The following MOB3B variants were observed in gnomAD, a reference collection of about 807,000 sequenced individuals.
MOB3B encodes MOB kinase activator 3B, also known as MOB kinase activator-like 2B.
MOB3B carries 7 observed loss-of-function variants against 18.7 expected under a neutral mutation model. That is an observed-to-expected ratio of 0.37 (90% CI 0.21 to 0.70). The LOEUF (loss-of-function observed/expected upper bound fraction) is 0.70. Among genes scored for constraint, MOB3B ranks in the 30% least tolerant of loss-of-function variants. The pLI is 0.52. For missense variants in MOB3B, 253 were observed against 281.3 expected, an observed-to-expected ratio of 0.90 and a Z score of 0.72; for synonymous variants, 111 against 99.9, an observed-to-expected ratio of 1.11 and a Z score of -0.66.
intron 3 of MOB3B, among the ~76,000 whole-genome samples, chr9:27,337,916 G>A (rs1156262039): frequency 1.3e-5 from 2 of 152,268 alleles, no homozygotes; most frequent in South Asian, 2.1e-4. Flanking sequence ...CGTCCAGTTT[G>A]AAGGGCTCAG....
At chr9:27,442,753 G>T (rs1238273600) in intron 2 of MOB3B, among the ~76,000 whole-genome samples, 18 of 152,250 alleles carry the variant, frequency 1.2e-4, no homozygotes, top group Non-Finnish European at 4.4e-5. Flanking sequence ...AGCCCAGTTT[G>T]ACTTTGAGCT....
intron 3 of MOB3B, among the ~76,000 whole-genome samples, chr9:27,349,438 T>A (rs73643198): frequency 0.049 from 7,463 of 152,270 alleles, 607 homozygotes; most frequent in African/African-American, 0.17. Context: ...CGCTTGACAT[T>A]TTTGGAGCCA....
intron 1 of MOB3B, among the ~76,000 whole-genome samples, chr9:27,509,479 C>T (rs1820109231): frequency 6.6e-6 from 1 of 152,062 alleles, no homozygotes; most frequent in Non-Finnish European, 1.5e-5. Flanking sequence ...GGCAGAGGTG[C>T]GATCTCGGCT....
chr9:27,508,289 AT>A (rs1820088852), intron 1 of MOB3B, among the ~76,000 whole-genome samples: 1 of 152,214 alleles, frequency 6.6e-6, no homozygotes, highest in Non-Finnish European at 1.5e-5. Context: ...ATAATAAACC[AT>A]AACAAGATCT....
rs1344790954 is a variant in MOB3B, at chr9:27,341,187, A to G, written c.622-10571T>C. Among the ~76,000 whole-genome samples the G allele has an allele frequency of 2.0e-5, 3 of 152,264 alleles. No homozygotes were observed. The East Asian group carries it at 5.8e-4, about 29-fold the overall frequency. On this transcript the variant is annotated intron_variant, in intron 3 of 3. Transcript: ENST00000262244. ...AACTCCAGGTTAGGTTGCAGGCACC[A>G]GAGTTTTATTTATTCTGACAGAAGC...
intron 1 of MOB3B, among the ~76,000 whole-genome samples, chr9:27,516,117 A>C (rs564119114): frequency 3.9e-5 from 6 of 152,216 alleles, no homozygotes; most frequent in Non-Finnish European, 8.8e-5. Flanking sequence ...AAGCTAAAAG[A>C]GGCAAGGAAG....
At chr9:27,517,917 G>C (rs1587273919) in intron 1 of MOB3B, among the ~76,000 whole-genome samples, 1 of 152,058 alleles carries the variant, frequency 6.6e-6, no homozygotes, top group South Asian at 2.1e-4. Context: ...CTTCTTCTCA[G>C]GCTACCTGCG....
intron 3 of MOB3B, among the ~76,000 whole-genome samples, chr9:27,351,276 C>T (rs1352790959): frequency 7.5e-6 from 1 of 133,656 alleles, no homozygotes; most frequent in Admixed American, 7.4e-5. Flanking sequence ...GATGACAGGG[C>T]TGCTGACACA....
chr9:27,381,567 C>G (rs146424741), intron 2 of MOB3B, among the ~76,000 whole-genome samples: 1 of 152,280 alleles, frequency 6.6e-6, no homozygotes, highest in African/African-American at 2.4e-5. Flanking sequence ...CACCAGTCAT[C>G]GCACTCTAGG....
In MOB3B at chr9:27,326,590, T is replaced by C. The variant is rs895128135; in HGVS notation, c.*3997A>G. On this transcript the variant is annotated 3_prime_UTR_variant, in exon 4 of 4. Coordinates refer to ENST00000262244, the MANE Select transcript of MOB3B (RefSeq NM_024761.5). ...GAACTGTGAGAGGAGTATAGATTTT[T>C]TCACCAAGGAAGTTACTGGCATGGT... 10 of 398,406 alleles carry C rather than the reference T, an allele frequency of 2.5e-5. No homozygotes were observed. The highest frequency in any genetic ancestry group is 1.3e-4 in the Admixed American group (3 of 22,716). 24.7% of individuals were successfully genotyped at this position (398,406 alleles called of 1,614,324 possible).
chr9:27,400,446 TC>T (rs1401851785), intron 2 of MOB3B, among the ~76,000 whole-genome samples: 1 of 152,102 alleles, frequency 6.6e-6, no homozygotes, highest in East Asian at 1.9e-4. Flanking sequence ...AGGGCCTGCC[TC>T]CCTCCTTCCT....
chr9:27,333,529 T>C (rs11788796), intron 3 of MOB3B, among the ~76,000 whole-genome samples: 1 of 151,912 alleles, frequency 6.6e-6, no homozygotes, highest in Non-Finnish European at 1.5e-5. Context: ...TTGCTGGAGT[T>C]ACTGAATGCC....
At chr9:27,528,421 A>C (rs1540688) in intron 1 of MOB3B, among the ~76,000 whole-genome samples, 150,970 of 152,366 alleles carry the variant, frequency 0.99, 74,807 homozygotes, top group East Asian at 1. Flanking sequence ...CTCGGATTTG[A>C]GCCTTTGCGG....
intron 1 of MOB3B, among the ~76,000 whole-genome samples, chr9:27,516,532 C>T (rs1820237220): frequency 6.6e-6 from 1 of 152,196 alleles, no homozygotes; most frequent in Non-Finnish European, 1.5e-5. Context: ...TAGAGCTTAA[C>T]TGAGAATAGC....
At chr9:27,340,402 T>C (rs1225945143) in intron 3 of MOB3B, among the ~76,000 whole-genome samples, 2 of 152,350 alleles carry the variant, frequency 1.3e-5, no homozygotes, top group Admixed American at 1.3e-4. Context: ...CTGATTTACA[T>C]TGTTTCTTAT....
chr9:27,522,690 C>A (rs1057427548), intron 1 of MOB3B, among the ~76,000 whole-genome samples: 1 of 151,860 alleles, frequency 6.6e-6, no homozygotes, highest in Admixed American at 6.6e-5. Flanking sequence ...AGGGCATCAT[C>A]ATTATTTCTG....
intron 2 of MOB3B, among the ~76,000 whole-genome samples, chr9:27,378,137 C>G (rs931514748): frequency 6.6e-6 from 1 of 152,244 alleles, no homozygotes; most frequent in African/African-American, 2.4e-5. Context: ...GTTAAACTTT[C>G]TGAAGACACA....
intron 1 of MOB3B, among the ~76,000 whole-genome samples, chr9:27,513,064 G>C (rs1820170501): frequency 1.3e-5 from 2 of 152,144 alleles, no homozygotes; most frequent in South Asian, 4.2e-4. Context: ...AGGCCATCCA[G>C]TGAAAGATCA....
intron 1 of MOB3B, among the ~76,000 whole-genome samples, chr9:27,482,544 C>T (rs1311925457): frequency 6.6e-6 from 1 of 152,178 alleles, no homozygotes; most frequent in Non-Finnish European, 1.5e-5. Flanking sequence ...CCCCATAGAC[C>T]TTACTATGAG....
Sources: allele counts gnomAD v4.1 joint callset (sites outside exome capture counted in the v4.1 genomes callset), GRCh38; gene constraint gnomAD v4.1.1; transcripts MANE v1.5; gene names NCBI Gene and HGNC (gene_info 2026-07-23, HGNC 2026-07-21).